RAC1: variants seen among roughly 807,000 people sequenced by gnomAD.
RAC1 encodes Rac family small GTPase 1.
A neutral mutation model predicts 25.2 loss-of-function variants in RAC1; 2 were observed. That is an observed-to-expected ratio of 0.08 (90% CI 0.03 to 0.25). RAC1 has a LOEUF of 0.25. Among genes scored for constraint, RAC1 ranks in the 10% least tolerant of loss-of-function variants. RAC1 has a pLI of 1.00. For synonymous variants in RAC1, 88 were observed against 94.0 expected (o/e 0.94, Z 0.37); for missense variants, 50 against 235.7 (o/e 0.21, Z 5.16).
At chr7:6,377,930 T>TAA (rs1166973893) in intron 1 of RAC1, among the ~76,000 whole-genome samples, 3 of 152,108 alleles carry the variant, frequency 2.0e-5, no homozygotes, top group Non-Finnish European at 4.4e-5. Context: ...TTAAAGGAGA[T>TAA]ACATCTTCAT....
At chr7:6,397,090 AT>A (rs1211739100) in intron 3 of RAC1, among the ~76,000 whole-genome samples, 3 of 145,780 alleles carry the variant, frequency 2.1e-5, no homozygotes, top group African/African-American at 7.5e-5. Context: ...AATACAAAAA[AT>A]TTAGCTGGGC....
Position 6,378,533 on chromosome 7 carries a change from C to G in RAC1, c.35+3763C>G, listed in dbSNP as rs995185003. On this transcript the variant is annotated intron_variant, in intron 1 of 5. Coordinates refer to ENST00000348035, the MANE Select transcript of RAC1 (RefSeq NM_006908.5). ...TGCACTCCAGCCTGGGCGACAAGAG[C>G]AAGGCTCTGTCTTGAAAAAAAAAGA... Among the ~76,000 whole-genome samples the G allele has an allele frequency of 1.7e-4, 26 of 150,910 alleles. 1 individual carries two copies.
intron 2 of RAC1, 54 bp from the exon 3 acceptor site, chr7:6,391,870 G>T: frequency 6.2e-7 from 1 of 1,612,562 alleles, no homozygotes; most frequent in Non-Finnish European, 8.5e-7. Context: ...GGATGGCTGG[G>T]ACAGTGACTT....
At chr7:6,382,251 T>C (rs1352204247) in intron 1 of RAC1, among the ~76,000 whole-genome samples, 1 of 152,188 alleles carries the variant, frequency 6.6e-6, no homozygotes, top group Non-Finnish European at 1.5e-5. Flanking sequence ...CGCCTTGGCC[T>C]CTTGCTGGGA....
intron 1 of RAC1, among the ~76,000 whole-genome samples, chr7:6,379,362 C>T (rs1392243279): frequency 6.7e-6 from 1 of 150,060 alleles, no homozygotes; most frequent in Non-Finnish European, 1.5e-5. Context: ...GCAACCTCCT[C>T]CTCCTGGGTT....
chr7:6,386,342 C>G (rs1001850357), intron 1 of RAC1, among the ~76,000 whole-genome samples: 1 of 152,118 alleles, frequency 6.6e-6, no homozygotes, highest in African/African-American at 2.4e-5. Flanking sequence ...AGTTTATTGA[C>G]TAAGCACTTT....
rs1471169778 is a variant in RAC1 at position 6,403,854 on chromosome 7, CAG to C, written c.*1410_*1411del. ...GCGTGGGACCCTTCAGCCACTACAA[CAG>C]AATTTTTTAAATTGACAGTTGCAGA... On this transcript the variant is annotated 3_prime_UTR_variant, in exon 6 of 6. Transcript: ENST00000348035. The C allele has an allele frequency of 9.0e-6, 2 of 222,926 alleles. No individual in the cohort carries two copies. The highest frequency in any genetic ancestry group is 4.5e-5 in the African/African-American group (2 of 44,760). The allele number at this position is 222,926 out of a possible 1,614,324, so 13.8% of individuals were successfully genotyped here. A position where few individuals can be genotyped will look rare whatever the true frequency, so the allele number is the denominator to read the frequency against.
chr7:6,376,133 C>T (rs1440655249), intron 1 of RAC1, among the ~76,000 whole-genome samples: 2 of 135,590 alleles, frequency 1.5e-5, no homozygotes, highest in African/African-American at 5.6e-5. Flanking sequence ...TCGGATTTGT[C>T]TTGGAAGTGT....
At chr7:6,390,559 C>T (rs1278751128) in intron 2 of RAC1, among the ~76,000 whole-genome samples, 2 of 151,514 alleles carry the variant, frequency 1.3e-5, no homozygotes, top group Non-Finnish European at 2.9e-5. Context: ...GAGATCGCAC[C>T]ACTGCACTCC....
intron 1 of RAC1, among the ~76,000 whole-genome samples, chr7:6,386,948 A>T (rs925128049): frequency 6.6e-6 from 1 of 152,126 alleles, no homozygotes; most frequent in Non-Finnish European, 1.5e-5. Flanking sequence ...CTGTTTCTTG[A>T]CTATTAATGC....
At chr7:6,376,752 C>A (rs1292387904) in intron 1 of RAC1, among the ~76,000 whole-genome samples, 1 of 147,014 alleles carries the variant, frequency 6.8e-6, no homozygotes, top group Non-Finnish European at 1.5e-5. Context: ...AACTCCTGAC[C>A]CTCAAGTGAT....
chr7:6,399,055 C>T (rs533846793), intron 3 of RAC1, among the ~76,000 whole-genome samples: 2 of 152,238 alleles, frequency 1.3e-5, no homozygotes, highest in South Asian at 4.1e-4. Context: ...CAGGACTAAC[C>T]TTGTTGCCGG....
In RAC1 at chr7:6,403,778, G is replaced by C. The variant is rs1783487259; in HGVS notation, c.*1332G>C. 1.4e-5 allele frequency: 3 copies of C among 211,888 alleles called. No individual in the cohort carries two copies. Among genetic ancestry groups the C allele is most frequent in the Non-Finnish European group, 2.9e-5 (3 of 104,464 alleles). The allele number at this position is 211,888 out of a possible 1,614,324, so 13.1% of individuals were successfully genotyped here. On this transcript the variant is annotated 3_prime_UTR_variant, in exon 6 of 6. Transcript: ENST00000348035. ...TTGGGTCTGTGAGGTTCTGTAAACTGTGCTAGTGCTGACGATGTTCTGTAC... is the reference window on the plus strand; with the variant it reads ...TTGGGTCTGTGAGGTTCTGTAAACTCTGCTAGTGCTGACGATGTTCTGTAC...
At chr7:6,385,812 G>C (rs1185500046) in intron 1 of RAC1, among the ~76,000 whole-genome samples, 3 of 152,196 alleles carry the variant, frequency 2.0e-5, no homozygotes, top group African/African-American at 7.2e-5. Flanking sequence ...TTAAAATTAT[G>C]ATGCTGATGT....
At position 6,397,791 on chromosome 7, in the gene RAC1, C is replaced by A. The variant is rs146126154; in HGVS notation, c.226-2335C>A. Reference sequence around the variant, plus strand: ...GCACCTGAGGTCAAGAGTTTGAGACCAGCCTGGCCAACATGGTGAAACCTG... The same window carrying A: ...GCACCTGAGGTCAAGAGTTTGAGACAAGCCTGGCCAACATGGTGAAACCTG... On this transcript the variant is annotated intron_variant, in intron 3 of 5. Transcript: ENST00000348035. Among the ~76,000 whole-genome samples, 1,124 of 152,220 alleles carry A rather than the reference C, an allele frequency of 7.4e-3. 15 individuals carry two copies. Among genetic ancestry groups the A allele is most frequent in the Non-Finnish European group, 0.013 (918 of 68,010 alleles).
At chr7:6,379,613 T>C (rs1456145887) in intron 1 of RAC1, among the ~76,000 whole-genome samples, 2 of 152,222 alleles carry the variant, frequency 1.3e-5, no homozygotes, top group Non-Finnish European at 2.9e-5. Context: ...TTTCACCATG[T>C]TGACCAGGTT....
intron 2 of RAC1, among the ~76,000 whole-genome samples, chr7:6,388,004 G>A (rs751094909): frequency 1.3e-5 from 2 of 152,124 alleles, no homozygotes; most frequent in East Asian, 3.9e-4. Flanking sequence ...GTCATCAGTT[G>A]GTTACATGTC....
intron 1 of RAC1, among the ~76,000 whole-genome samples, chr7:6,386,632 A>C (rs1782930815): frequency 6.6e-6 from 1 of 151,796 alleles, no homozygotes. Flanking sequence ...AAATACAAAA[A>C]AATTATCCAG....
chr7:6,398,588 C>T (rs769645135), intron 3 of RAC1: 41 of 1,288,578 alleles, frequency 3.2e-5, no homozygotes, highest in African/African-American at 1.2e-4. Context: ...AATAAAGAAT[C>T]GATAAGAGGT....
Sources: gnomAD v4.1 joint callset for allele counts (sites outside exome capture counted in the v4.1 genomes callset) on GRCh38, gnomAD v4.1.1 for gene constraint, MANE v1.5 for transcripts, NCBI Gene and HGNC (gene_info 2026-07-23, HGNC 2026-07-21) for gene names.